The following TCF7 variants were observed in gnomAD, a reference collection of about 807,000 sequenced individuals.
TCF7 encodes transcription factor 7.
Under a neutral mutation model 46.8 loss-of-function variants are expected in TCF7, and 19 were observed. The ratio of observed to expected loss-of-function variants is 0.41; its 90% CI spans 0.28 to 0.60. The LOEUF is 0.60. Ranked by LOEUF, TCF7 falls within the 20% of genes least tolerant of loss-of-function variation. TCF7 has a pLI of 0.35. For missense variants in TCF7, 547 were observed against 504.6 expected (o/e 1.08, Z -0.81); for synonymous variants, 245 against 213.4 (o/e 1.15, Z -1.29).
rs757232591 is a variant in TCF7, at chr5:134,146,271, C to G, written c.1123C>G (p.Pro375Ala). Residue 375 changes from proline (P) to alanine (A), a missense_variant, in exon 10 of 10, where the codon CCA becomes GCA. Transcript: ENST00000342854. Reference protein sequence around the residue: ...FGTYPEKAAAPAPFLPMTVL With the variant: ...FGTYPEKAAAAAPFLPMTVL ...TACTTACCCGGAGAAGGCCGCTGCC[C>G]CAGCCCCGTTCCTTCCGATGACAGT... 1 of 1,614,192 alleles carries G rather than the reference C, an allele frequency of 6.2e-7. No homozygotes were observed. Among genetic ancestry groups the G allele is most frequent in the South Asian group, 1.1e-5 (1 of 91,086 alleles).
the TCF7 span, among the ~76,000 whole-genome samples, chr5:134,109,327 T>G: frequency 6.6e-6 from 1 of 152,190 alleles, no homozygotes; most frequent in African/African-American, 2.4e-5. Context: ...ACATAGGATT[T>G]AGTGCAGGCG....
chr5:134,111,066 ACTGCACTCCAACAGAGCAGGGCAGGC>A (rs772982769), upstream of TCF7, among the ~76,000 whole-genome samples: 7 of 152,188 alleles, frequency 4.6e-5, no homozygotes, highest in Non-Finnish European at 7.3e-5. Context: ...GTTCATCTCG[ACTGCACTCCAACAGAGCAGGGCAGGC>A]CTGCGTATGA....
intron 3 of TCF7, chr5:134,123,672 C>A (rs2149292014): frequency 2.2e-6 from 1 of 456,072 alleles, no homozygotes. Context: ...GAAGAAGGTC[C>A]CAGCCTGTGA....
At chr5:134,115,845 A>G in intron 2 of TCF7, 64 bp from the exon 3 acceptor site, 2 of 1,608,222 alleles carry the variant, frequency 1.2e-6, no homozygotes, top group Non-Finnish European at 1.7e-6. Flanking sequence ...TCTCAAGAGC[A>G]GACAGCCTTC....
At chr5:134,118,784 T>A (rs1038555148) in intron 3 of TCF7, among the ~76,000 whole-genome samples, 2 of 152,066 alleles carry the variant, frequency 1.3e-5, no homozygotes, top group African/African-American at 4.8e-5. Flanking sequence ...TTTGTGTTTG[T>A]GTTTGTGTTT....
At chr5:134,123,163 A>G (rs1756843171) in intron 3 of TCF7, among the ~76,000 whole-genome samples, 1 of 152,198 alleles carries the variant, frequency 6.6e-6, no homozygotes, top group Non-Finnish European at 1.5e-5. Flanking sequence ...CTCTACCAGG[A>G]GTGTGAGTGC....
At chr5:134,145,512 G>A in intron 9 of TCF7, 1 of 590,044 alleles carries the variant, frequency 1.7e-6, no homozygotes, top group Non-Finnish European at 3.0e-6. Context: ...AGTGGTTAAA[G>A]TTTCCTCAGT....
At chr5:134,144,343 G>A (rs1200440083) in intron 9 of TCF7, 3 of 205,512 alleles carry the variant, frequency 1.5e-5, no homozygotes, top group Non-Finnish European at 3.0e-5. Flanking sequence ...AACAGCATAA[G>A]GTATAGCCTT....
chr5:134,121,523 A>C (rs1456118660), intron 3 of TCF7, among the ~76,000 whole-genome samples: 4 of 149,174 alleles, frequency 2.7e-5, no homozygotes, highest in Non-Finnish European at 5.9e-5. Flanking sequence ...CGGGAGGTGG[A>C]GGTTGCAGTG....
At position 134,115,372 on chromosome 5, in the gene TCF7, G is replaced by C; in HGVS notation, c.301G>C (p.Glu101Gln). Residue 101 changes from glutamate to glutamine, a missense_variant, in exon 2 of 10, where the codon GAG becomes CAG. Glu to Gln is a conservative substitution (Grantham distance 29). This residue lies in a region of TCF7 where 425 missense variants were observed against 349.9 expected (regional missense o/e 1.21). Transcript: ENST00000342854. ...GAGACTCTTCCCGGACAAACTTCCA[G>C]AGCCCCTGGAGGACGGTGAGTTTCT... is the stretch of plus-strand genomic sequence containing the variant. Reference protein sequence around the residue: ...AQRLFPDKLPEPLEDGLKAPE... With the variant: ...AQRLFPDKLPQPLEDGLKAPE... 6.2e-7 allele frequency: 1 copy of C among 1,602,482 alleles called. No homozygotes were observed. Among genetic ancestry groups the C allele is most frequent in the Middle Eastern group, 1.7e-4 (1 of 5,922 alleles).
intron 4 of TCF7, 166 bp downstream of exon 4, chr5:134,138,330 G>A (rs1209876424): frequency 1.6e-6 from 1 of 614,592 alleles, no homozygotes; most frequent in Non-Finnish European, 2.8e-6. Flanking sequence ...GGGTATAAGG[G>A]CATCAGAAAA....
chr5:134,117,831 C>T (rs545540593), intron 3 of TCF7, among the ~76,000 whole-genome samples: 5 of 152,302 alleles, frequency 3.3e-5, no homozygotes, highest in South Asian at 2.1e-4. Flanking sequence ...CCCTCCTCCC[C>T]GCGCAGCCAC....
chr5:134,127,690 C>T (rs761700138), intron 3 of TCF7, among the ~76,000 whole-genome samples: 1 of 152,230 alleles, frequency 6.6e-6, no homozygotes, highest in Non-Finnish European at 1.5e-5. Context: ...CACTGGGGCA[C>T]GTTGAGGGCA....
At chr5:134,146,079 T>C in intron 9 of TCF7, 145 bp from the exon 10 acceptor site, 2 of 1,589,190 alleles carry the variant, frequency 1.3e-6, no homozygotes, top group Non-Finnish European at 1.7e-6. Context: ...AGAATGGCAG[T>C]CTGAGGACAC....
intron 3 of TCF7, among the ~76,000 whole-genome samples, chr5:134,116,806 G>T (rs867374054): frequency 2.2e-4 from 33 of 152,254 alleles, no homozygotes; most frequent in African/African-American, 7.5e-4. Context: ...CAGTACAGCT[G>T]CGCTTTTAAA....
At chr5:134,141,547 C>G (rs1759759371) in intron 5 of TCF7, 1 of 152,372 alleles carries the variant, frequency 6.6e-6, no homozygotes, top group Non-Finnish European at 1.5e-5. Context: ...GGAGACCTCA[C>G]CAGGCCTGAT....
intron 3 of TCF7, among the ~76,000 whole-genome samples, chr5:134,128,897 A>G (rs1013077326): frequency 1.3e-5 from 2 of 151,916 alleles, no homozygotes; most frequent in African/African-American, 4.8e-5. Context: ...AATCAAAATC[A>G]CCTCCTTCAA....
rs541642198 is a variant in TCF7, at chr5:134,140,779, A to C, written c.636-1406A>C. ...GCCAGCAGCCAGACTGCTAACAGCT[A>C]TCTCTCCCAACCACAGGCCCAGCCC... is the stretch of plus-strand genomic sequence containing the variant. On this transcript the variant is annotated intron_variant, in intron 5 of 9. Transcript: ENST00000342854. 424 of 455,608 alleles carry C rather than the reference A, an allele frequency of 9.3e-4. 4 individuals are homozygous for C. The highest frequency in any genetic ancestry group is 3.0e-3 in the South Asian group (191 of 64,536). The allele number at this position is 455,608 out of a possible 1,614,324, so 28.2% of individuals were successfully genotyped here. A position where few individuals can be genotyped will look rare whatever the true frequency, so the allele number is the denominator to read the frequency against.
chr5:134,145,382 G>C, intron 9 of TCF7: 1 of 554,304 alleles, frequency 1.8e-6, no homozygotes, highest in South Asian at 1.4e-5. Context: ...TGATACCAAA[G>C]GGCTGGAGAG....
Sources: gnomAD v4.1 joint callset for allele counts (sites outside exome capture counted in the v4.1 genomes callset) on GRCh38, gnomAD v4.1.1 for gene constraint, gnomAD v4.1.1 regional missense constraint, MANE v1.5 for transcripts, NCBI Gene and HGNC (gene_info 2026-07-23, HGNC 2026-07-21) for gene names.